Variants in ELAVL4 observed in about 807,000 individuals in gnomAD.
ELAVL4 encodes ELAV like RNA binding protein 4, also known as ELAV-like protein 4.
In ELAVL4, 1 loss-of-function variant was observed where a neutral mutation model predicts 35.6. The ratio of observed to expected loss-of-function variants is 0.03; its 90% CI spans 0.01 to 0.13. The LOEUF is 0.13. ELAVL4 is among the 10% of genes least tolerant of loss of function. The pLI is 1.00. For missense variants in ELAVL4, 267 were observed against 464.9 expected (o/e 0.57, Z 3.91); for synonymous variants, 156 against 171.0 (o/e 0.91, Z 0.69).
intron 2 of ELAVL4, among the ~76,000 whole-genome samples, chr1:50,149,631 C>T (rs866025100): frequency 5.3e-5 from 8 of 150,046 alleles, no homozygotes; most frequent in Non-Finnish European, 8.9e-5. Flanking sequence ...GCAACCTCCA[C>T]CTCCTGGGTT....
At position 50,146,238 on chromosome 1, in the gene ELAVL4, A is replaced by ATG. The variant is rs200235584; in HGVS notation, c.250+1051_250+1052dup. Among the ~76,000 whole-genome samples, 79 of 152,122 alleles carry ATG rather than the reference A, an allele frequency of 5.2e-4. No individual in the cohort carries two copies. The East Asian group carries it at 0.014, about 28-fold the overall frequency. ...TTTTAAATCAGAGAATACATTCTATATGTGTGTGTGTAGATATATACATTC... is the reference window on the plus strand; with the variant it reads ...TTTTAAATCAGAGAATACATTCTATATGTGTGTGTGTGTAGATATATACATTC... On this transcript the variant is annotated intron_variant, in intron 2 of 6. Transcript: ENST00000371824.
chr1:50,052,975 A>T lies in ELAVL4; in HGVS notation c.18+4793A>T, dbSNP rs185209398. Reference sequence around the variant, plus strand: ...GGCTAGTGTTGACATTGCAACTGCTACGGAGTTCCCAGTTGCTGTAGGAAT... The same window carrying T: ...GGCTAGTGTTGACATTGCAACTGCTTCGGAGTTCCCAGTTGCTGTAGGAAT... On this transcript the variant is annotated intron_variant, in intron 1 of 6. Transcript: ENST00000448907. 2.4e-3 allele frequency among the ~76,000 whole-genome samples: 359 copies of T among 152,328 alleles called. 3 individuals are homozygous for T. Among genetic ancestry groups the T allele is most frequent in the Admixed American group, 2.9e-3 (44 of 15,300 alleles).
intron 1 of ELAVL4, among the ~76,000 whole-genome samples, chr1:50,120,272 G>A (rs1470009562): frequency 6.6e-6 from 1 of 151,888 alleles, no homozygotes; most frequent in Non-Finnish European, 1.5e-5. Context: ...TGGAGGAAAT[G>A]CCATTTGAGT....
intron 2 of ELAVL4, among the ~76,000 whole-genome samples, chr1:50,172,423 C>T (rs1395166673): frequency 6.6e-6 from 1 of 152,138 alleles, no homozygotes; most frequent in African/African-American, 2.4e-5. Context: ...CATTTTAGTT[C>T]AAATGGAGTA....
intron 1 of ELAVL4, among the ~76,000 whole-genome samples, chr1:50,052,625 C>G (rs1385131963): frequency 6.6e-6 from 1 of 152,098 alleles, no homozygotes; most frequent in Non-Finnish European, 1.5e-5. Context: ...TATACTAATC[C>G]CTTGATGCAT....
rs1424785833 is a variant in ELAVL4 at position 50,076,198 on chromosome 1, G to T, written c.18+28016G>T. 3.3e-5 allele frequency among the ~76,000 whole-genome samples: 5 copies of T among 152,238 alleles called. No homozygotes were observed. The Middle Eastern group carries it at 0.014, about 414-fold the overall frequency. Reference sequence around the variant, plus strand: ...AGGAGCAGCTGTATATGTAGGCCATGGGGAGATTGTAGAGGATTTCAGTTG... The same window carrying T: ...AGGAGCAGCTGTATATGTAGGCCATTGGGAGATTGTAGAGGATTTCAGTTG... On this transcript the variant is annotated intron_variant, in intron 1 of 6. Transcript: ENST00000448907.
rs1163017099 is a variant in ELAVL4 at position 50,062,218 on chromosome 1, A to T, written c.18+14036A>T. On this transcript the variant is annotated intron_variant, in intron 1 of 6. Coordinates refer to the ELAVL4 transcript ENST00000448907. Reference sequence around the variant, plus strand: ...TCAAGGAGTCCACAATCTTGTGGAGAAAACAAGGAGAATAAGCAGATAGCA... The same window carrying T: ...TCAAGGAGTCCACAATCTTGTGGAGTAAACAAGGAGAATAAGCAGATAGCA... Among the ~76,000 whole-genome samples, 3 of 152,176 alleles carry T rather than the reference A, an allele frequency of 2.0e-5. No individual in the cohort carries two copies. The East Asian group carries it at 5.8e-4, about 29-fold the overall frequency.
intron 2 of ELAVL4, among the ~76,000 whole-genome samples, chr1:50,168,092 G>A (rs576689979): frequency 6.6e-6 from 1 of 152,320 alleles, no homozygotes; most frequent in Non-Finnish European, 1.5e-5. Flanking sequence ...AGGGGCTGTA[G>A]TGCAACAGCT....
At chr1:50,071,564 G>T (rs556757560) in intron 1 of ELAVL4, among the ~76,000 whole-genome samples, 2 of 152,288 alleles carry the variant, frequency 1.3e-5, no homozygotes, top group African/African-American at 4.8e-5. Context: ...TGCCTTTTGT[G>T]TAGGAAACAT....
intron 1 of ELAVL4, among the ~76,000 whole-genome samples, chr1:50,118,137 C>A (rs1322542851): frequency 2.0e-5 from 3 of 152,112 alleles, no homozygotes; most frequent in Non-Finnish European, 4.4e-5. Context: ...ATGGTCCCAT[C>A]TTTGCTGTCT....
chr1:50,132,969 ATT>A (rs1671117084), intron 1 of ELAVL4, among the ~76,000 whole-genome samples: 1 of 152,114 alleles, frequency 6.6e-6, no homozygotes, highest in Non-Finnish European at 1.5e-5. Flanking sequence ...TCAATCTTTT[ATT>A]TCACTTCTTT....
At chr1:50,196,974 T>G (rs1644098225) in intron 5 of ELAVL4, among the ~76,000 whole-genome samples, 1 of 152,224 alleles carries the variant, frequency 6.6e-6, no homozygotes, top group South Asian at 2.1e-4. Flanking sequence ...AGTAAGATGA[T>G]TTAGTTAATG....
chr1:50,123,748 T>A (rs1669425800), intron 1 of ELAVL4, among the ~76,000 whole-genome samples: 1 of 152,078 alleles, frequency 6.6e-6, no homozygotes, highest in Non-Finnish European at 1.5e-5. Context: ...CGGTGTTCCC[T>A]ACTGTTGCTC....
At chr1:50,168,587 C>T (rs11205685) in intron 2 of ELAVL4, among the ~76,000 whole-genome samples, 1 of 152,142 alleles carries the variant, frequency 6.6e-6, no homozygotes, top group African/African-American at 2.4e-5. Context: ...GTCCACTGAA[C>T]TTAGGAGCAA....
intron 1 of ELAVL4, among the ~76,000 whole-genome samples, chr1:50,117,136 G>A (rs530274484): frequency 6.6e-6 from 1 of 152,138 alleles, no homozygotes; most frequent in Non-Finnish European, 1.5e-5. Context: ...TCTGTTTTAG[G>A]TGACTTTGGG....
intron 2 of ELAVL4, among the ~76,000 whole-genome samples, chr1:50,159,318 G>T (rs1006089918): frequency 6.6e-5 from 10 of 152,156 alleles, no homozygotes; most frequent in African/African-American, 1.9e-4. Flanking sequence ...GTTTAAAAGT[G>T]ATTTATTGGT....
chr1:50,076,608 T>A (rs943025526), intron 1 of ELAVL4, among the ~76,000 whole-genome samples: 2 of 152,128 alleles, frequency 1.3e-5, no homozygotes, highest in African/African-American at 2.4e-5. Flanking sequence ...GCTTGCATAT[T>A]CCAAGGGTCC....
upstream of ELAVL4, among the ~76,000 whole-genome samples, chr1:50,105,307 C>G (rs1666213898): frequency 2.0e-5 from 3 of 152,092 alleles, no homozygotes; most frequent in Admixed American, 2.0e-4. Flanking sequence ...TTGGCCTTCC[C>G]CATTGCTCTG....
At chr1:50,136,573 A>G (rs1671922665) in intron 1 of ELAVL4, among the ~76,000 whole-genome samples, 1 of 152,176 alleles carries the variant, frequency 6.6e-6, no homozygotes, top group African/African-American at 2.4e-5. Context: ...TGGTAAAAGA[A>G]AACACCTTTA....
Sources: allele counts gnomAD v4.1 joint callset (sites outside exome capture counted in the v4.1 genomes callset), GRCh38; gene constraint gnomAD v4.1.1; transcripts MANE v1.5; gene names NCBI Gene and HGNC (gene_info 2026-07-23, HGNC 2026-07-21).